The following MMS22L variants were observed in gnomAD, a reference collection of about 807,000 sequenced individuals.
The protein encoded by MMS22L is protein MMS22-like.
MMS22L carries 74 observed loss-of-function variants against 159.1 expected under a neutral mutation model. The ratio of observed to expected loss-of-function variants is 0.47; its 90% CI spans 0.39 to 0.56. The LOEUF is 0.56. Ranked by LOEUF, MMS22L falls within the 20% of genes least tolerant of loss-of-function variation. MMS22L has a pLI of 0.00. For missense variants in MMS22L, 1,351 were observed against 1,422.1 expected (o/e 0.95, Z 0.80); for synonymous variants, 517 against 506.9 (o/e 1.02, Z -0.27).
At chr6:97,174,530 G>A (rs2128259632) in intron 18 of MMS22L, among the ~76,000 whole-genome samples, 1 of 152,284 alleles carries the variant, frequency 6.6e-6, no homozygotes, top group Middle Eastern at 3.4e-3. Flanking sequence ...AGTAGCTGAA[G>A]TAAGGCCCTA....
chr6:97,160,288 T>C (rs1802304082), intron 22 of MMS22L, among the ~76,000 whole-genome samples: 1 of 152,146 alleles, frequency 6.6e-6, no homozygotes, highest in Non-Finnish European at 1.5e-5. Flanking sequence ...AAAAGGTGGG[T>C]CTGTTAGCAA....
chr6:97,159,948 G>GTTTTTT (rs368455553), intron 22 of MMS22L, among the ~76,000 whole-genome samples: 3 of 97,176 alleles, frequency 3.1e-5, no homozygotes, highest in Admixed American at 1.4e-4. Context: ...TATCATTTCT[G>GTTTTTT]TTTTTTTTTT....
At position 97,179,450 on chromosome 6, in the gene MMS22L, G is replaced by A. The variant is rs375085578; in HGVS notation, c.2494C>T (p.Pro832Ser). 8.7e-6 allele frequency: 14 copies of A among 1,613,120 alleles called. No individual in the cohort carries two copies. The highest frequency in any genetic ancestry group is 1.1e-5 in the Non-Finnish European group (13 of 1,179,646). ...LQMYIKNLSG[P>S]DDLLIDKNLE... ...TTTTTATCTATGAGCAAATCATCAG[G>A]CCCAGAGAGGTTTTTAATATACATT... The change falls in exon 17 of 25, where the codon CCT becomes TCT. Residue 832 changes from proline to serine, a missense_variant. Physicochemically the swap from Pro to Ser is moderately conservative, Grantham distance 74. Transcript: ENST00000683635.
intron 13 of MMS22L, chr6:97,231,175 C>A (rs1810823412): frequency 2.5e-6 from 1 of 393,414 alleles, no homozygotes; most frequent in South Asian, 3.4e-5. Context: ...CAAAACAAAC[C>A]AAAAAAACCA....
At chr6:97,253,459 A>ATTTT (rs11356068) in intron 10 of MMS22L, 1 of 124,422 alleles carries the variant, frequency 8.0e-6, no homozygotes, top group South Asian at 2.6e-4. Context: ...AGGTATCTGG[A>ATTTT]TTTTTTTTTT....
chr6:97,156,100 C>T (rs946472463), intron 22 of MMS22L, among the ~76,000 whole-genome samples: 19 of 152,048 alleles, frequency 1.2e-4, no homozygotes, highest in Middle Eastern at 3.2e-3. Flanking sequence ...AGCATTTTTT[C>T]GTAAGTTTTT....
chr6:97,219,976 C>A (rs978857868), intron 14 of MMS22L, among the ~76,000 whole-genome samples: 9 of 152,150 alleles, frequency 5.9e-5, no homozygotes, highest in African/African-American at 1.9e-4. Context: ...TCTACTATTA[C>A]CAACACTGAC....
chr6:97,275,618 CAG>C (rs1253526506), intron 4 of MMS22L, among the ~76,000 whole-genome samples: 1 of 152,088 alleles, frequency 6.6e-6, no homozygotes, highest in Admixed American at 6.5e-5. Flanking sequence ...AAGTCAGAAA[CAG>C]AAGACATTTT....
chr6:97,156,813 G>C (rs1167002933), intron 22 of MMS22L, among the ~76,000 whole-genome samples: 1 of 151,816 alleles, frequency 6.6e-6, no homozygotes, highest in African/African-American at 2.4e-5. Context: ...ACTTTTTTTT[G>C]GTTCCATATG....
chr6:97,209,723 TTAAC>T (rs1488461412), intron 14 of MMS22L, among the ~76,000 whole-genome samples: 1 of 151,952 alleles, frequency 6.6e-6, no homozygotes, highest in African/African-American at 2.4e-5. Context: ...ACTAAATTAT[TTAAC>T]TAATACATAT....
At chr6:97,247,590 G>A (rs1213499690) in intron 10 of MMS22L, among the ~76,000 whole-genome samples, 1 of 152,068 alleles carries the variant, frequency 6.6e-6, no homozygotes, top group Admixed American at 6.6e-5. Flanking sequence ...ATGGTGGCGG[G>A]TGCCTGTATC....
intron 24 of MMS22L, among the ~76,000 whole-genome samples, chr6:97,147,341 C>G (rs1405028610): frequency 2.0e-5 from 3 of 152,084 alleles, no homozygotes; most frequent in African/African-American, 4.8e-5. Context: ...TTATAAGTAA[C>G]AAAGTTTGAA....
chr6:97,208,238 G>A (rs980723374), intron 14 of MMS22L, among the ~76,000 whole-genome samples: 4 of 151,896 alleles, frequency 2.6e-5, no homozygotes, highest in Non-Finnish European at 5.9e-5. Context: ...TGGCATTTTT[G>A]TATTATTAGC....
At chr6:97,168,357 G>T in intron 19 of MMS22L, 117 bp from the exon 20 acceptor site, 1 of 808,690 alleles carries the variant, frequency 1.2e-6, no homozygotes, top group East Asian at 2.6e-5. Context: ...TAGGGAATAG[G>T]AAGAGACATA....
Position 97,145,065 on chromosome 6 carries a change from C to CACACACAA in MMS22L, c.*1740_*1741insTTGTGTGT, listed in dbSNP as rs754243176. The stretch of plus-strand genomic sequence containing the variant: ...ACACACACACACACACACACACACA[C>CACACACAA]AAAAACACATATACACATAAATAAC... On this transcript the variant is annotated 3_prime_UTR_variant, in exon 25 of 25. Transcript: ENST00000683635. 3 of 135,414 alleles carry CACACACAA rather than the reference C, an allele frequency of 2.2e-5. No individual in the cohort carries two copies. The highest frequency in any genetic ancestry group is 7.2e-5 in the Admixed American group (1 of 13,800). The allele number at this position is 135,414 out of a possible 1,614,324, so 8.4% of individuals were successfully genotyped here. A position where few individuals can be genotyped will look rare whatever the true frequency, so the allele number is the denominator to read the frequency against.
rs1441088247 is a variant in MMS22L at position 97,258,334 on chromosome 6, C to T, written c.943-3601G>A. On this transcript the variant is annotated intron_variant, in intron 9 of 24. Coordinates refer to ENST00000683635, the MANE Select transcript of MMS22L (RefSeq NM_001350599.2). ...TTTCTGGTACAAGATGTTTCAGGCT[C>T]ATGTTTACTTTCCATGCTTCATCCT... Among the ~76,000 whole-genome samples, 6 of 152,252 alleles carry T rather than the reference C, an allele frequency of 3.9e-5. No individual in the cohort carries two copies. The East Asian group carries it at 1.2e-3, about 29-fold the overall frequency.
At chr6:97,260,188 C>G (rs188422807) in intron 9 of MMS22L, 9 of 152,178 alleles carry the variant, frequency 5.9e-5, no homozygotes, top group South Asian at 2.1e-4. Context: ...TCCAGCAGAC[C>G]CTTTCAATAC....
chr6:97,279,866 A>G (rs1562534998), intron 3 of MMS22L, among the ~76,000 whole-genome samples: 1 of 152,194 alleles, frequency 6.6e-6, no homozygotes, highest in Non-Finnish European at 1.5e-5. Context: ...ACTGTATCAT[A>G]CAGTTATACA....
chr6:97,223,115 G>C (rs2127983546), intron 14 of MMS22L, among the ~76,000 whole-genome samples: 1 of 152,156 alleles, frequency 6.6e-6, no homozygotes, highest in Non-Finnish European at 1.5e-5. Flanking sequence ...GCTCCAGTTA[G>C]CAGAAAGAAG....
Sources: allele counts gnomAD v4.1 joint callset (sites outside exome capture counted in the v4.1 genomes callset), GRCh38; gene constraint gnomAD v4.1.1; transcripts MANE v1.5; gene names NCBI Gene and HGNC (gene_info 2026-07-23, HGNC 2026-07-21).